Variants in ATL3 observed in about 807,000 individuals in gnomAD.
ATL3 encodes atlastin-3.
ATL3 carries 49 observed loss-of-function variants against 69.5 expected under a neutral mutation model. That is an observed-to-expected ratio of 0.71 (90% CI 0.56 to 0.89). The LOEUF (loss-of-function observed/expected upper bound fraction) is 0.89, where lower values mean the gene tolerates loss of function less well. Ranked by LOEUF, ATL3 falls within the 40% of genes least tolerant of loss-of-function variation. The pLI, the probability that ATL3 is intolerant of heterozygous loss-of-function variation, is 0.00. For synonymous variants in ATL3, 214 were observed against 224.1 expected (o/e 0.95, Z 0.40); for missense variants, 606 against 645.7 (o/e 0.94, Z 0.67).
intron 3 of ATL3, among the ~76,000 whole-genome samples, chr11:63,653,545 AT>A (rs1281043308): frequency 6.6e-6 from 1 of 152,210 alleles, no homozygotes; most frequent in African/African-American, 2.4e-5. Context: ...ACACATGAGT[AT>A]TTATAGGAGC....
rs763776359 is a variant in ATL3, at chr11:63,633,103, A to G, written c.1036-6T>C. The G allele has an allele frequency of 1.5e-5, 24 of 1,613,342 alleles. No homozygotes were observed. The highest frequency in any genetic ancestry group is 1.8e-5 in the Non-Finnish European group (21 of 1,179,308). ...TTGTTGGCTTCAGCAGTGGCCTTTT[A>G]AGAGAGAAAAACGTGAACTGTAAAT... On this transcript the variant is annotated splice_polypyrimidine_tract_variant and splice_region_variant and intron_variant, in intron 10 of 12. Coordinates refer to ENST00000398868, the MANE Select transcript of ATL3 (RefSeq NM_015459.5).
In ATL3 at chr11:63,628,834, CA is replaced by C. The variant is rs551769719; in HGVS notation, c.*484del. On this transcript the variant is annotated 3_prime_UTR_variant, in exon 13 of 13. Coordinates refer to ENST00000398868, the MANE Select transcript of ATL3 (RefSeq NM_015459.5). ...CTGGTGACAGAGCGAGACTCCAACT[CA>C]AAAAAAAAAAAAAAAAAAAAAAGAA... The C allele has an allele frequency of 0.03, 1,823 of 61,596 alleles. 21 individuals are homozygous for C. Among genetic ancestry groups the C allele is most frequent in the East Asian group, 0.21 (351 of 1,648 alleles). The allele number at this position is 61,596 out of a possible 1,614,324, so 3.8% of individuals were successfully genotyped here.
chr11:63,629,831 A>T (rs530272504), intron 12 of ATL3, among the ~76,000 whole-genome samples: 2 of 151,870 alleles, frequency 1.3e-5, no homozygotes, highest in Non-Finnish European at 2.9e-5. Flanking sequence ...TTAAGTTACA[A>T]TGAGCTAAGA....
intron 8 of ATL3, among the ~76,000 whole-genome samples, chr11:63,641,817 A>G (rs1326415794): frequency 6.6e-6 from 1 of 152,066 alleles, no homozygotes. Context: ...AACTCTGCCT[A>G]CTCCCTGAAT....
chr11:63,644,240 C>A lies in ATL3; in HGVS notation c.640G>T (p.Asp214Tyr). 2 of 1,607,970 alleles carry A rather than the reference C, an allele frequency of 1.2e-6. No homozygotes were observed. Among genetic ancestry groups the A allele is most frequent in the Non-Finnish European group, 1.7e-6 (2 of 1,176,870 alleles). ...CTATATTCATAAGGGAAACTCCAAT[C>A]TCTAACCAAAAACATCAGTGTCTAT... ...PFQTLMFLVR[D>Y]WSFPYEYSYG... Residue 214 changes from aspartate (D) to tyrosine (Y), a missense_variant, in exon 7 of 13, where the codon GAT (aspartate) becomes TAT (tyrosine). Physicochemically the swap from Asp to Tyr is radical, Grantham distance 160. Transcript: ENST00000398868.
rs1414702168 is a variant in ATL3, at chr11:63,659,254, T to C, written c.47-2A>G. ...GCTTGCTGCTCTCCATGGCATCATC[T>C]ATGTTCATGCAGAGAAAAAAAATCA... is the stretch of plus-strand genomic sequence containing the variant. On this transcript the variant is annotated splice_acceptor_variant, in intron 1 of 12. Coordinates refer to ENST00000398868, the MANE Select transcript of ATL3 (RefSeq NM_015459.5). LOFTEE classifies it high-confidence loss of function. The C allele has an allele frequency of 1.9e-6, 3 of 1,613,514 alleles. No individual in the cohort carries two copies. The highest frequency in any genetic ancestry group is 1.7e-5 in the Admixed American group (1 of 59,956).
chr11:63,649,535 C>T (rs1048645212), intron 5 of ATL3, among the ~76,000 whole-genome samples: 1 of 143,252 alleles, frequency 7.0e-6, no homozygotes, highest in African/African-American at 2.5e-5. Context: ...ATTTTATTTT[C>T]TTTTTTTTTT....
rs1161670218 is a variant in ATL3 at position 63,627,430 on chromosome 11, A to C, written c.*1889T>G. The C allele has an allele frequency of 6.6e-6, 1 of 152,234 alleles. No individual in the cohort carries two copies. Among genetic ancestry groups the C allele is most frequent in the African/African-American group, 2.4e-5 (1 of 41,464 alleles). The allele number at this position is 152,234 out of a possible 1,614,324, so 9.4% of individuals were successfully genotyped here. A position where few individuals can be genotyped will look rare whatever the true frequency, so the allele number is the denominator to read the frequency against. ...TATAAATATGAAACAATATGCTGCG[A>C]ATTTAGGACTTACAAAAATACTTCA... is the stretch of plus-strand genomic sequence containing the variant. On this transcript the variant is annotated 3_prime_UTR_variant, in exon 13 of 13. Coordinates refer to ENST00000398868, the MANE Select transcript of ATL3 (RefSeq NM_015459.5).
chr11:63,659,131 T>C lies in ATL3; in HGVS notation c.168A>G (p.Arg56=). ...LASILLQDHI[R]DLDVVVVSVA... ...CTGAAACCACCACCACATCAAGATC[T>C]CGGATGTGGTCCTGCAAGAGGATGC... is the stretch of plus-strand genomic sequence containing the variant. Residue 56 remains arginine (R), a synonymous_variant, in exon 2 of 13, where the codon CGA becomes CGG. Coordinates refer to ENST00000398868, the MANE Select transcript of ATL3 (RefSeq NM_015459.5). 1 of 1,614,032 alleles carries C rather than the reference T, an allele frequency of 6.2e-7. No homozygotes were observed. The highest frequency in any genetic ancestry group is 8.5e-7 in the Non-Finnish European group (1 of 1,179,978).
Position 63,636,149 on chromosome 11 carries a change from C to T in ATL3, c.978+58G>A, listed in dbSNP as rs1006829487. On this transcript the variant is annotated intron_variant, in intron 9 of 12. Transcript: ENST00000398868. ...AAATATTTAAATTCAAGTTGATTTA[C>T]GAGTGAGATCAGCTTTACCAAAAAT... 2.2e-5 allele frequency: 35 copies of T among 1,565,118 alleles called. No individual in the cohort carries two copies. The South Asian group carries it at 3.5e-4, about 15-fold the overall frequency.
rs112944512 is a variant in ATL3, at chr11:63,647,203, A to ATT, written c.562-642_562-641dup. Reference sequence around the variant, plus strand: ...TCCTACTTCGTGTCTTTAAAAAAAAATTTTTTTTTTTGAGACAGAGTTGTG... The same window carrying ATT: ...TCCTACTTCGTGTCTTTAAAAAAAAATTTTTTTTTTTTTGAGACAGAGTTGTG... On this transcript the variant is annotated intron_variant, in intron 5 of 12. Coordinates refer to ENST00000398868, the MANE Select transcript of ATL3 (RefSeq NM_015459.5). 5.8e-3 allele frequency among the ~76,000 whole-genome samples: 865 copies of ATT among 149,594 alleles called. 3 individuals are homozygous for ATT. Among genetic ancestry groups the ATT allele is most frequent in the African/African-American group, 0.02 (838 of 40,952 alleles).
intron 11 of ATL3, among the ~76,000 whole-genome samples, chr11:63,631,906 C>T (rs1189336318): frequency 1.3e-5 from 2 of 152,128 alleles, no homozygotes; most frequent in Admixed American, 1.3e-4. Context: ...CGCTTGAACC[C>T]GGGAGGCGGA....
chr11:63,637,198 C>G (rs1352666979), intron 8 of ATL3, among the ~76,000 whole-genome samples: 1 of 151,682 alleles, frequency 6.6e-6, no homozygotes, highest in Non-Finnish European at 1.5e-5. Context: ...ATAGCTTGAA[C>G]CCGGAAGGCA....
At chr11:63,649,543 T>C (rs1940001975) in intron 5 of ATL3, among the ~76,000 whole-genome samples, 4 of 152,074 alleles carry the variant, frequency 2.6e-5, no homozygotes, top group African/African-American at 9.7e-5. Flanking sequence ...TTCTTTTTTT[T>C]TTTTTAAAGA....
Position 63,627,214 on chromosome 11 carries a change from CCTG to C in ATL3, c.*2102_*2104del, listed in dbSNP as rs779422283. 18 of 152,144 alleles carry C rather than the reference CCTG, an allele frequency of 1.2e-4. No homozygotes were observed. The highest frequency in any genetic ancestry group is 2.2e-4 in the Non-Finnish European group (15 of 68,000). The allele number at this position is 152,144 out of a possible 1,614,324, so 9.4% of individuals were successfully genotyped here. A position where few individuals can be genotyped will look rare whatever the true frequency, so the allele number is the denominator to read the frequency against. Reference sequence around the variant, plus strand: ...GCTAAGTATGTCAATATTTACAGAGCCTGCTAATAGGTATGAACTTTCAGAGAG... The same window carrying C: ...GCTAAGTATGTCAATATTTACAGAGCCTAATAGGTATGAACTTTCAGAGAG... On this transcript the variant is annotated 3_prime_UTR_variant, in exon 13 of 13. Coordinates refer to ENST00000398868, the MANE Select transcript of ATL3 (RefSeq NM_015459.5).
In ATL3 at chr11:63,629,241, A is replaced by G; in HGVS notation, c.*78T>C. 1 of 1,163,980 alleles carries G rather than the reference A, an allele frequency of 8.6e-7. No individual in the cohort carries two copies. The highest frequency in any genetic ancestry group is 1.3e-6 in the Non-Finnish European group (1 of 773,626). 72.1% of individuals were successfully genotyped at this position (1,163,980 alleles called of 1,614,324 possible). A position where few individuals can be genotyped will look rare whatever the true frequency, so the allele number is the denominator to read the frequency against. ...TCTCAGATCTGCCATTCCTCTGGAT[A>G]TGAACCTGTGGCCGTGGCAGAAACC... is the stretch of plus-strand genomic sequence containing the variant. On this transcript the variant is annotated 3_prime_UTR_variant, in exon 13 of 13. Transcript: ENST00000398868.
At position 63,671,345 on chromosome 11, in the gene ATL3, G is replaced by A; in HGVS notation, c.-10C>T. The A allele has an allele frequency of 6.3e-7, 1 of 1,579,136 alleles. No homozygotes were observed. Among genetic ancestry groups the A allele is most frequent in the Non-Finnish European group, 8.6e-7 (1 of 1,165,008 alleles). On this transcript the variant is annotated 5_prime_UTR_variant, in exon 1 of 13. Transcript: ENST00000398868. ...GCTGAGGGGACAACATGGAGCCTCC[G>A]CCTTCAAAGCAGAAGCAGCAGGGGT...
chr11:63,652,055 G>T, intron 4 of ATL3, 69 bp from the exon 5 acceptor site: 1 of 1,550,200 alleles, frequency 6.5e-7, no homozygotes, highest in South Asian at 1.2e-5. Flanking sequence ...AAGCCTAAAG[G>T]GCTGACAGAA....
intron 7 of ATL3, 30 bp from the exon 8 acceptor site, chr11:63,643,525 CAA>C (rs1426054885): frequency 3.8e-6 from 6 of 1,589,300 alleles, no homozygotes; most frequent in Middle Eastern, 3.6e-4. Flanking sequence ...ATTTACCAAC[CAA>C]AAGTCATTTG....
Sources: allele counts gnomAD v4.1 joint callset (sites outside exome capture counted in the v4.1 genomes callset), GRCh38; gene constraint gnomAD v4.1.1; transcripts MANE v1.5; gene names NCBI Gene and HGNC (gene_info 2026-07-23, HGNC 2026-07-21).